The following PDK3 variants were observed in gnomAD, a reference collection of about 807,000 sequenced individuals.
PDK3 encodes pyruvate dehydrogenase kinase, isozyme 3.
Under a neutral mutation model 32.0 loss-of-function variants are expected in PDK3, and 12 were observed. The ratio of observed to expected loss-of-function variants is 0.37; its 90% CI spans 0.24 to 0.61. The LOEUF (loss-of-function observed/expected upper bound fraction) is 0.61, where lower values mean the gene tolerates loss of function less well. Ranked by LOEUF, PDK3 falls within the 20% of genes least tolerant of loss-of-function variation. PDK3 has a pLI of 0.65. For synonymous variants in PDK3, 122 were observed against 116.3 expected (o/e 1.05, Z -0.31); for missense variants, 188 against 316.9 (o/e 0.59, Z 3.09).
At chrX:24,528,377 C>T (rs1435579386) in intron 9 of PDK3, among the ~76,000 whole-genome samples, 191 bp downstream of exon 9, 1 of 112,595 alleles carries the variant, frequency 8.9e-6, no homozygotes, top group Non-Finnish European at 1.9e-5. Flanking sequence ...TCAATTTCCT[C>T]TCTGATTTGT....
At chrX:24,470,287 T>C (rs1443846521) in intron 1 of PDK3, among the ~76,000 whole-genome samples, 1 of 112,391 alleles carries the variant, frequency 8.9e-6, no homozygotes, top group Non-Finnish European at 1.9e-5. Flanking sequence ...TAAGCCTGTA[T>C]GTTTTGGGGA....
Position 24,506,801 on chromosome X carries a change from C to CTTTTTTTTTT in PDK3, c.595+1521_595+1530dup. The stretch of plus-strand genomic sequence containing the variant: ...TGTAGAACATTTTGTTTTTTTCTTT[C>CTTTTTTTTTT]TTTTTTTTTTTTTTTTTTTTTTTTT... On this transcript the variant is annotated intron_variant, in intron 5 of 10. Transcript: ENST00000379162. Among the ~76,000 whole-genome samples the CTTTTTTTTTT allele has an allele frequency of 5.1e-4, 25 of 49,494 alleles. 2 individuals are homozygous for CTTTTTTTTTT. The highest frequency in any genetic ancestry group is 7.3e-4 in the Non-Finnish European group (21 of 28,620). The allele number at this position is 49,494 out of a possible 115,157, so 43.0% of individuals were successfully genotyped here.
In PDK3 at chrX:24,505,253, A is replaced by G. The variant is rs1195105052; in HGVS notation, c.550A>G (p.Ile184Val). 1 of 1,207,361 alleles carries G rather than the reference A, an allele frequency of 8.3e-7. No individual in the cohort carries two copies. Among genetic ancestry groups the G allele is most frequent in the Non-Finnish European group, 1.1e-6 (1 of 892,065 alleles). ...GDTNPVHPKHIGSIDPTCNVA... is the reference protein window; with the variant it reads ...GDTNPVHPKHVGSIDPTCNVA... ...CACTAATCCTGTTCATCCTAAACAC[A>G]TAGGAAGTATCGATCCCACCTGTAA... The change falls in exon 5 of 11, where the codon ATA (isoleucine) becomes GTA (valine). Residue 184 changes from isoleucine to valine, a missense_variant. Physicochemically the swap from Ile to Val is conservative, Grantham distance 29. Coordinates refer to ENST00000379162, the MANE Select transcript of PDK3 (RefSeq NM_005391.5).
Position 24,498,847 on chromosome X carries a change from T to C in PDK3, c.267T>C (p.Leu89=). The C allele has an allele frequency of 8.7e-7, 1 of 1,149,589 alleles. No homozygotes were observed. Among genetic ancestry groups the C allele is most frequent in the Non-Finnish European group, 1.2e-6 (1 of 853,320 alleles). 94.7% of individuals were successfully genotyped at this position (1,149,589 alleles called of 1,213,427 possible). Residue 89 remains leucine, a synonymous_variant, in exon 3 of 11, where the codon CTT becomes CTC. Coordinates refer to ENST00000379162, the MANE Select transcript of PDK3 (RefSeq NM_005391.5). The part of the protein sequence containing the change: ...LVQSWYMQSF[L]ELLEYENKSP... ...CTTTTAGGTATATGCAGAGTTTTCT[T>C]GAACTTTTAGAATATGAAAATAAGA...
chrX:24,522,671 C>T (rs766166804), intron 6 of PDK3, among the ~76,000 whole-genome samples: 15 of 110,709 alleles, frequency 1.4e-4, no homozygotes, highest in Non-Finnish European at 2.8e-4. Context: ...TTTGGGAGGC[C>T]GAGGTGGGCG....
rs753059452 is a variant in PDK3 at position 24,498,881 on chromosome X, G to A, written c.301G>A (p.Asp101Asn). The A allele has an allele frequency of 1.4e-5, 16 of 1,142,526 alleles. No homozygotes were observed. The allele number at this position is 1,142,526 out of a possible 1,213,427, so 94.2% of individuals were successfully genotyped here. ...LLEYENKSPE[D>N]PQVLDNFLQV... Reference sequence around the variant, plus strand: ...AGAATATGAAAATAAGAGCCCTGAGGATCCACAGGTCTTGGATAAGTAAGT... The same window carrying A: ...AGAATATGAAAATAAGAGCCCTGAGAATCCACAGGTCTTGGATAAGTAAGT... Residue 101 changes from aspartate to asparagine, a missense_variant, in exon 3 of 11, where the codon GAT (aspartate) becomes AAT (asparagine). Asp to Asn is a conservative substitution (Grantham distance 23). Coordinates refer to ENST00000379162, the MANE Select transcript of PDK3 (RefSeq NM_005391.5).
At chrX:24,541,523 G>A (rs780445168) in exon 12 of PDK3, among the ~76,000 whole-genome samples, 2 of 112,026 alleles carry the variant, frequency 1.8e-5, no homozygotes, top group African/African-American at 3.2e-5. Flanking sequence ...TGACTTAATC[G>A]GTAGTTCTTT....
In PDK3 at chrX:24,465,436, T is replaced by G. The variant is rs1373933717; in HGVS notation, c.-20T>G. On this transcript the variant is annotated 5_prime_UTR_variant, in exon 1 of 11. Transcript: ENST00000379162. ...GGCCACCCGGGCGTCTAGGCGGGTCTGTGCGCCGCCCGGGCGAGGATGCGG... is the reference window on the plus strand; with the variant it reads ...GGCCACCCGGGCGTCTAGGCGGGTCGGTGCGCCGCCCGGGCGAGGATGCGG... 1.7e-6 allele frequency: 2 copies of G among 1,166,077 alleles called. No individual in the cohort carries two copies. Among genetic ancestry groups the G allele is most frequent in the South Asian group, 3.6e-5 (2 of 54,868 alleles).
At chrX:24,469,060 T>C (rs1920968669) in intron 1 of PDK3, among the ~76,000 whole-genome samples, 1 of 112,074 alleles carries the variant, frequency 8.9e-6, no homozygotes, top group South Asian at 3.7e-4. Flanking sequence ...AGAACTTTGT[T>C]TTTCTTTTTT....
chrX:24,516,847 G>A (rs1922266360), intron 5 of PDK3, among the ~76,000 whole-genome samples: 1 of 107,404 alleles, frequency 9.3e-6, no homozygotes, highest in South Asian at 4.2e-4. Context: ...CCAGGCTGGA[G>A]TGCAGTGGTG....
intron 1 of PDK3, among the ~76,000 whole-genome samples, chrX:24,478,540 A>G (rs1921170258): frequency 8.9e-6 from 1 of 111,964 alleles, no homozygotes; most frequent in Admixed American, 9.5e-5. Flanking sequence ...AGGCTAGTTT[A>G]CGCTATACTT....
chrX:24,473,919 T>G (rs757027818), intron 1 of PDK3, among the ~76,000 whole-genome samples: 92 of 112,196 alleles, frequency 8.2e-4, no homozygotes, highest in Middle Eastern at 4.6e-3. Flanking sequence ...AATTAAAAAT[T>G]CTCTTAATTA....
chrX:24,525,907 G>T (rs1190495855), intron 6 of PDK3, among the ~76,000 whole-genome samples: 1 of 112,103 alleles, frequency 8.9e-6, no homozygotes, highest in Non-Finnish European at 1.9e-5. Context: ...TAATACTCAG[G>T]ATGTTATGGC....
chrX:24,539,081 AG>A (rs898617139), downstream of PDK3: 4 of 742,490 alleles, frequency 5.4e-6, no homozygotes, highest in Non-Finnish European at 8.2e-6. Context: ...GTCAAAACAG[AG>A]GAGGTTGTAC....
rs59200207 is a variant in PDK3, at chrX:24,511,865, C to A, written c.595+6567C>A. Among the ~76,000 whole-genome samples, 91 of 106,055 alleles carry A rather than the reference C, an allele frequency of 8.6e-4. No individual in the cohort carries two copies. The East Asian group carries it at 0.019, about 22-fold the overall frequency. 92.1% of individuals were successfully genotyped at this position (106,055 alleles called of 115,157 possible). The stretch of plus-strand genomic sequence containing the variant: ...CTCCATCTCAAAAAAAAAAAAAAAA[C>A]CACACAAACAACAACAACAAAACAA... On this transcript the variant is annotated intron_variant, in intron 5 of 10. Coordinates refer to ENST00000379162, the MANE Select transcript of PDK3 (RefSeq NM_005391.5).
At chrX:24,523,685 A>G (rs974505358) in intron 6 of PDK3, among the ~76,000 whole-genome samples, 1 of 112,179 alleles carries the variant, frequency 8.9e-6, no homozygotes, top group African/African-American at 3.2e-5. Flanking sequence ...AGGAAGAATT[A>G]GGGCTTTTCA....
intron 1 of PDK3, among the ~76,000 whole-genome samples, chrX:24,465,901 T>C (rs1434847341): frequency 2.7e-5 from 3 of 111,867 alleles, no homozygotes; most frequent in Non-Finnish European, 5.6e-5. Context: ...GGTGGCTTTT[T>C]AATGTTTTTA....
intron 1 of PDK3, among the ~76,000 whole-genome samples, chrX:24,486,215 C>T (rs1232400561): frequency 1.8e-5 from 2 of 111,122 alleles, no homozygotes; most frequent in African/African-American, 3.3e-5. Flanking sequence ...AAAGGCCATG[C>T]GGCTGCTGTC....
intron 1 of PDK3, among the ~76,000 whole-genome samples, chrX:24,470,449 G>C (rs1444437411): frequency 9.0e-6 from 1 of 111,073 alleles, no homozygotes; most frequent in Non-Finnish European, 1.9e-5. Flanking sequence ...CACTTTGGGA[G>C]GCCAAGGCAG....
Sources: allele counts gnomAD v4.1 joint callset (sites outside exome capture counted in the v4.1 genomes callset), GRCh38; gene constraint gnomAD v4.1.1; transcripts MANE v1.5; gene names NCBI Gene and HGNC (gene_info 2026-07-23, HGNC 2026-07-21).